GSE1: variants seen among roughly 807,000 people sequenced by gnomAD.
GSE1 encodes Gse1 coiled-coil protein.
Under a neutral mutation model 112.6 loss-of-function variants are expected in GSE1, and 32 were observed. The ratio of observed to expected loss-of-function variants is 0.28; its 90% CI spans 0.21 to 0.38. The LOEUF is 0.38. GSE1 is among the 10% of genes least tolerant of loss of function. The probability of loss-of-function intolerance (pLI) is 1.00; values close to 1 mark genes in which losing one functional copy is unlikely to be tolerated. For synonymous variants in GSE1, 1,115 were observed against 735.6 expected (o/e 1.52, Z -8.35); for missense variants, 2,348 against 1,699.2 (o/e 1.38, Z -6.71).
intron 1 of GSE1, among the ~76,000 whole-genome samples, chr16:85,189,156 G>A (rs373027649): frequency 3.3e-5 from 5 of 152,194 alleles, no homozygotes; most frequent in African/African-American, 2.4e-5. Flanking sequence ...TTCCTGCTCC[G>A]GGGAGCCTTC....
At chr16:85,257,128 A>AT (rs965529703) in intron 1 of GSE1, among the ~76,000 whole-genome samples, 11 of 152,020 alleles carry the variant, frequency 7.2e-5, no homozygotes, top group Admixed American at 2.6e-4. Context: ...CTGTATTTTC[A>AT]TTTTTTTTGA....
chr16:85,433,171 A>G (rs1018653432), intron 2 of GSE1, among the ~76,000 whole-genome samples: 2 of 151,886 alleles, frequency 1.3e-5, no homozygotes, highest in African/African-American at 4.8e-5. Flanking sequence ...CGAGTGATGC[A>G]ACCAGCCTTG....
chr16:85,461,579 CT>C (rs1324223640), intron 2 of GSE1, among the ~76,000 whole-genome samples: 2 of 152,158 alleles, frequency 1.3e-5, no homozygotes, highest in African/African-American at 2.4e-5. Context: ...TCGAGACCCC[CT>C]GGTGTACATG....
At chr16:85,413,419 C>G (rs1216920404) in intron 2 of GSE1, among the ~76,000 whole-genome samples, 1 of 152,008 alleles carries the variant, frequency 6.6e-6, no homozygotes, top group East Asian at 1.9e-4. Flanking sequence ...GCTGTGACCC[C>G]CAAGCATGGC....
chr16:85,264,814 C>A (rs1908068998), intron 1 of GSE1, among the ~76,000 whole-genome samples: 3 of 152,122 alleles, frequency 2.0e-5, no homozygotes, highest in African/African-American at 7.2e-5. Context: ...GTGTGGGTAA[C>A]CAGGACCGGG....
chr16:85,626,274 G>T (rs538220884), intron 1 of GSE1, among the ~76,000 whole-genome samples: 4 of 152,146 alleles, frequency 2.6e-5, no homozygotes, highest in African/African-American at 9.7e-5. Flanking sequence ...CTTGGAGCAC[G>T]TGGAGGGCAG....
intron 1 of GSE1, among the ~76,000 whole-genome samples, chr16:85,207,028 G>A (rs1177502572): frequency 6.6e-6 from 1 of 152,238 alleles, no homozygotes; most frequent in Non-Finnish European, 1.5e-5. Flanking sequence ...TTATTCTCCA[G>A]GCCCACTGCT....
chr16:85,399,998 C>T (rs1331140672), intron 2 of GSE1, among the ~76,000 whole-genome samples: 3 of 152,224 alleles, frequency 2.0e-5, no homozygotes, highest in Admixed American at 6.5e-5. Context: ...TCACACTGGG[C>T]GCACAGCAGC....
chr16:85,524,771 C>A (rs2052309001), intron 2 of GSE1, among the ~76,000 whole-genome samples: 2 of 152,140 alleles, frequency 1.3e-5, no homozygotes, highest in South Asian at 4.1e-4. Context: ...GGCCTCATCA[C>A]ATCCCGTATG....
At position 85,271,608 on chromosome 16, in the gene GSE1, C is replaced by T. The variant is rs115521585; in HGVS notation, c.2284-85855C>T. On this transcript the variant is annotated intron_variant, in intron 1 of 2. Coordinates refer to the GSE1 transcript ENST00000637419. ...CGCTGGCTTTCCTGCTGCTTCGCAG[C>T]GTGTACTGAGAGTCAGAGGCAGTCA... Among the ~76,000 whole-genome samples the T allele has an allele frequency of 3.5e-3, 537 of 152,326 alleles. 2 individuals carry two copies. The highest frequency in any genetic ancestry group is 0.012 in the African/African-American group (486 of 41,568).
chr16:85,399,530 G>A (rs2048045749), intron 2 of GSE1, among the ~76,000 whole-genome samples: 3 of 152,196 alleles, frequency 2.0e-5, no homozygotes, highest in Admixed American at 6.5e-5. Flanking sequence ...CCATCCTTGC[G>A]GGCTTTCAGA....
chr16:85,590,253 C>T (rs988457392), intron 1 of GSE1, among the ~76,000 whole-genome samples: 4 of 148,700 alleles, frequency 2.7e-5, no homozygotes, highest in Middle Eastern at 3.9e-3. Flanking sequence ...TGTGGGCCCG[C>T]GTGTGAATGA....
intron 1 of GSE1, among the ~76,000 whole-genome samples, chr16:85,210,337 A>C (rs536967759): frequency 6.6e-6 from 1 of 152,232 alleles, no homozygotes; most frequent in Non-Finnish European, 1.5e-5. Context: ...TGTGATTGAC[A>C]AAACTGCTGT....
intron 1 of GSE1, among the ~76,000 whole-genome samples, chr16:85,296,256 A>G (rs994795389): frequency 6.6e-6 from 1 of 152,116 alleles, no homozygotes; most frequent in Admixed American, 6.5e-5. Context: ...CGCACGGCTC[A>G]TCATGTGTGA....
At chr16:85,271,975 C>G (rs930583525) in intron 1 of GSE1, among the ~76,000 whole-genome samples, 11 of 152,236 alleles carry the variant, frequency 7.2e-5, no homozygotes, top group African/African-American at 2.2e-4. Context: ...CGCCTTTCTG[C>G]AAGGGTTCCC....
Position 85,530,485 on chromosome 16 carries a change from G to A in GSE1, c.2465-103429G>A, listed in dbSNP as rs138613929. ...CACTGAGCCAGCAGGGAGGGGTGGTGGGGGTGGAGGAGGCTGTGGCATGGA... is the reference window on the plus strand; with the variant it reads ...CACTGAGCCAGCAGGGAGGGGTGGTAGGGGTGGAGGAGGCTGTGGCATGGA... On this transcript the variant is annotated intron_variant, in intron 2 of 2. Transcript: ENST00000637419. Among the ~76,000 whole-genome samples the A allele has an allele frequency of 1.2e-4, 18 of 152,296 alleles. 1 individual carries two copies. The South Asian group carries it at 1.2e-3, about 11-fold the overall frequency.
chr16:85,503,402 C>A (rs1286365385), intron 2 of GSE1, among the ~76,000 whole-genome samples: 2 of 152,310 alleles, frequency 1.3e-5, no homozygotes, highest in East Asian at 3.9e-4. Flanking sequence ...CCTCCTCCTC[C>A]TCACAAATCA....
At chr16:85,526,997 A>G (rs1875803851) in intron 2 of GSE1, among the ~76,000 whole-genome samples, 2 of 152,172 alleles carry the variant, frequency 1.3e-5, no homozygotes, top group Non-Finnish European at 1.5e-5. Flanking sequence ...AAGTGCCAAA[A>G]CAGTGTTGTA....
At chr16:85,608,445 C>G (rs2047809330), upstream of GSE1, among the ~76,000 whole-genome samples, 1 of 152,018 alleles carries the variant, frequency 6.6e-6, no homozygotes. Context: ...GCTCCCTCCC[C>G]CGGCCCCCAA....
Sources: gnomAD v4.1 joint callset for allele counts (sites outside exome capture counted in the v4.1 genomes callset) on GRCh38, gnomAD v4.1.1 for gene constraint, MANE v1.5 for transcripts, NCBI Gene and HGNC (gene_info 2026-07-23, HGNC 2026-07-21) for gene names.